The following QSOX2 variants were observed in gnomAD, a reference collection of about 807,000 sequenced individuals.
QSOX2 encodes the protein quiescin sulfhydryl oxidase 2, also known as sulfhydryl oxidase 2.
QSOX2 carries 46 observed loss-of-function variants against 61.7 expected under a neutral mutation model. The ratio of observed to expected loss-of-function variants is 0.75; its 90% CI spans 0.59 to 0.95. The LOEUF (loss-of-function observed/expected upper bound fraction) is 0.95. QSOX2 is among the 40% of genes least tolerant of loss of function. The probability of loss-of-function intolerance (pLI) is 0.00; values close to 1 mark genes in which losing one functional copy is unlikely to be tolerated. For missense variants in QSOX2, 879 were observed against 918.9 expected (o/e 0.96, Z 0.56); for synonymous variants, 383 against 388.4 (o/e 0.99, Z 0.16).
At chr9:136,230,872 C>T (rs773606148) in intron 1 of QSOX2, among the ~76,000 whole-genome samples, 3 of 152,202 alleles carry the variant, frequency 2.0e-5, no homozygotes, top group Non-Finnish European at 4.4e-5. Flanking sequence ...CGTCCCACCA[C>T]CCCTGGGCCT....
chr9:136,215,922 A>C (rs1831906687), intron 9 of QSOX2, among the ~76,000 whole-genome samples: 1 of 152,248 alleles, frequency 6.6e-6, no homozygotes, highest in African/African-American at 2.4e-5. Flanking sequence ...AGCTCGGAGT[A>C]GAGTCAAGGT....
At chr9:136,224,545 G>A (rs549556514) in intron 3 of QSOX2, among the ~76,000 whole-genome samples, 4 of 152,332 alleles carry the variant, frequency 2.6e-5, no homozygotes, top group South Asian at 2.1e-4. Flanking sequence ...GGCGATGCTC[G>A]GCTGGGTGGG....
intron 1 of QSOX2, among the ~76,000 whole-genome samples, chr9:136,237,138 GTCACCTGGAGCCCGTCCTGGGCCTGCA>G (rs1830391868): frequency 7.6e-6 from 1 of 132,012 alleles, no homozygotes; most frequent in Non-Finnish European, 1.6e-5. Context: ...CTGGGCCGGC[GTCACCTGGAGCCCGTCCTGGGCCTGCA>G]TCACCTGGTG....
chr9:136,212,910 G>A (rs1831864083), intron 10 of QSOX2, among the ~76,000 whole-genome samples: 1 of 152,218 alleles, frequency 6.6e-6, no homozygotes, highest in African/African-American at 2.4e-5. Context: ...GCTACTCCTG[G>A]AGGCTGCTTC....
intron 3 of QSOX2, among the ~76,000 whole-genome samples, chr9:136,224,364 G>A (rs1830259452): frequency 6.6e-6 from 1 of 152,238 alleles, no homozygotes; most frequent in Non-Finnish European, 1.5e-5. Context: ...ACAGGCAACA[G>A]AGGCAGATGG....
At chr9:136,228,642 G>A (rs1311379047) in intron 1 of QSOX2, among the ~76,000 whole-genome samples, 3 of 152,224 alleles carry the variant, frequency 2.0e-5, no homozygotes, top group Admixed American at 6.5e-5. Flanking sequence ...ACGCCGCACC[G>A]TGGGAGAGGC....
At chr9:136,213,487 C>G (rs991541846) in intron 10 of QSOX2, among the ~76,000 whole-genome samples, 2 of 151,954 alleles carry the variant, frequency 1.3e-5, no homozygotes, top group African/African-American at 4.8e-5. Flanking sequence ...GGACAGCTCC[C>G]AAGGTTTCTC....
chr9:136,229,767 C>A (rs756190842), intron 1 of QSOX2, among the ~76,000 whole-genome samples: 1 of 152,238 alleles, frequency 6.6e-6, no homozygotes, highest in Non-Finnish European at 1.5e-5. Flanking sequence ...CAAACAAACA[C>A]ACAGCACATC....
At chr9:136,244,749 A>G (rs1225402004) in intron 1 of QSOX2, among the ~76,000 whole-genome samples, 1 of 152,234 alleles carries the variant, frequency 6.6e-6, no homozygotes, top group Non-Finnish European at 1.5e-5. Context: ...ACTAAACAAT[A>G]AAGTGCGGAA....
intron 1 of QSOX2, among the ~76,000 whole-genome samples, chr9:136,235,890 C>A (rs1028240469): frequency 6.6e-6 from 1 of 152,222 alleles, no homozygotes; most frequent in African/African-American, 2.4e-5. Context: ...CCTCTATGAA[C>A]ATTTTCATCA....
intron 6 of QSOX2, among the ~76,000 whole-genome samples, chr9:136,219,934 G>A (rs775702581): frequency 2.6e-4 from 39 of 152,240 alleles, no homozygotes; most frequent in Admixed American, 3.9e-4. Context: ...GGGCCACCTC[G>A]TTGGCAGAGC....
At chr9:136,211,525 C>T in intron 10 of QSOX2, 73 bp from the exon 11 acceptor site, 4 of 1,513,936 alleles carry the variant, frequency 2.6e-6, no homozygotes, top group Non-Finnish European at 3.6e-6. Flanking sequence ...GTCCAGAGAG[C>T]CTGGGGGGAA....
At chr9:136,238,244 C>T (rs140574095) in intron 1 of QSOX2, among the ~76,000 whole-genome samples, 4 of 152,318 alleles carry the variant, frequency 2.6e-5, no homozygotes, top group East Asian at 3.9e-4. Flanking sequence ...ACTAGTCAGA[C>T]GGGGAAACTG....
chr9:136,224,803 C>G, intron 3 of QSOX2, 58 bp downstream of exon 3: 1 of 1,274,366 alleles, frequency 7.8e-7, no homozygotes, highest in Non-Finnish European at 1.1e-6. Flanking sequence ...GACCGTGTGT[C>G]TTTAGCAGGT....
In QSOX2 at chr9:136,209,014, C is replaced by T. The variant is rs757951204; in HGVS notation, c.1811G>A (p.Arg604Gln). 3.3e-5 allele frequency: 53 copies of T among 1,613,862 alleles called. No individual in the cohort carries two copies. The Middle Eastern group carries it at 1.3e-3, about 40-fold the overall frequency. The change falls in exon 12 of 12, where the codon CGA becomes CAA. Residue 604 changes from arginine to glutamine, a missense_variant. Physicochemically the swap from Arg to Gln is conservative, Grantham distance 43. Coordinates refer to ENST00000358701, the MANE Select transcript of QSOX2 (RefSeq NM_181701.4). This position sits in a 1 kb window ranked among gnomAD's most constrained non-coding sequence, Gnocchi z 5.6. ...LTPPEVSHGD[R>Q]DTQSVRPPGA... is the part of the protein sequence containing the mutation. Reference sequence around the variant, plus strand: ...AGGTGGACGGACGCTCTGGGTGTCTCGGTCTCCATGGGACACCTCTGGGGG... The same window carrying T: ...AGGTGGACGGACGCTCTGGGTGTCTTGGTCTCCATGGGACACCTCTGGGGG...
intron 3 of QSOX2, 30 bp from the exon 4 acceptor site, chr9:136,224,142 T>C: frequency 6.4e-7 from 1 of 1,560,444 alleles, no homozygotes; most frequent in Non-Finnish European, 8.8e-7. Flanking sequence ...GTCAGAGCTG[T>C]GTGTGCGGCT....
intron 10 of QSOX2, among the ~76,000 whole-genome samples, chr9:136,213,844 C>T (rs564665929): frequency 6.6e-6 from 1 of 152,280 alleles, no homozygotes; most frequent in East Asian, 1.9e-4. Context: ...TTCCAAGGTC[C>T]CCTGGACTGA....
At chr9:136,215,391 G>C (rs1187425888) in intron 9 of QSOX2, 87 bp from the exon 10 acceptor site, 10 of 1,154,186 alleles carry the variant, frequency 8.7e-6, no homozygotes, top group Non-Finnish European at 1.2e-5. Context: ...TCTTGACTGG[G>C]GGGGGTGGAT....
At chr9:136,239,415 C>T (rs1430661706) in intron 1 of QSOX2, among the ~76,000 whole-genome samples, 7 of 152,192 alleles carry the variant, frequency 4.6e-5, no homozygotes, top group Admixed American at 6.5e-5. Flanking sequence ...GGATTACAGG[C>T]GGGAGCCACT....
Sources: gnomAD v4.1 joint callset for allele counts (sites outside exome capture counted in the v4.1 genomes callset) on GRCh38, gnomAD v4.1.1 for gene constraint, Gnocchi (gnomAD v3.1) non-coding constraint, MANE v1.5 for transcripts, NCBI Gene and HGNC (gene_info 2026-07-23, HGNC 2026-07-21) for gene names.